The following NALF1 variants were observed in gnomAD, a reference collection of about 807,000 sequenced individuals.
NALF1 encodes the protein family with sequence similarity 155 member A.
Under a neutral mutation model 48.4 loss-of-function variants are expected in NALF1, and 3 were observed. The observed-to-expected ratio is 0.06, with a 90% CI of 0.03 to 0.16. The LOEUF (loss-of-function observed/expected upper bound fraction) is 0.16. Among genes scored for constraint, NALF1 ranks in the 10% least tolerant of loss-of-function variants. The probability of loss-of-function intolerance (pLI) is 1.00; values close to 1 mark genes in which losing one functional copy is unlikely to be tolerated. For synonymous variants in NALF1, 262 were observed against 245.7 expected, an observed-to-expected ratio of 1.07 and a Z score of -0.62; for missense variants, 526 against 571.5, an observed-to-expected ratio of 0.92 and a Z score of 0.81.
At chr13:107,579,859 C>G (rs1450814444) in intron 1 of NALF1, among the ~76,000 whole-genome samples, 5 of 151,914 alleles carry the variant, frequency 3.3e-5, no homozygotes, top group Admixed American at 6.6e-5. Flanking sequence ...GGACTGTAAA[C>G]TAGTTCAACC....
At chr13:107,591,651 T>A (rs922600708) in intron 1 of NALF1, among the ~76,000 whole-genome samples, 4 of 152,012 alleles carry the variant, frequency 2.6e-5, no homozygotes, top group African/African-American at 7.2e-5. Context: ...CCATTTAAAT[T>A]TTCTTCACTC....
At chr13:107,856,464 CA>C (rs1258364909) in intron 1 of NALF1, among the ~76,000 whole-genome samples, 1 of 152,110 alleles carries the variant, frequency 6.6e-6, no homozygotes, top group Non-Finnish European at 1.5e-5. Context: ...TTAGCAAGAG[CA>C]AACAATTACT....
intron 1 of NALF1, among the ~76,000 whole-genome samples, chr13:107,684,686 C>A (rs138241175): frequency 3.3e-4 from 50 of 152,238 alleles, no homozygotes; most frequent in African/African-American, 1.1e-3. Flanking sequence ...ATGAAAAAAA[C>A]CTATCATTTC....
chr13:107,853,272 T>C (rs369138478), intron 1 of NALF1, among the ~76,000 whole-genome samples: 4 of 152,320 alleles, frequency 2.6e-5, no homozygotes, highest in Middle Eastern at 3.4e-3. Context: ...TCTAAGTAGG[T>C]TGTAATATTG....
intron 1 of NALF1, among the ~76,000 whole-genome samples, chr13:107,634,011 TTATG>T (rs757986886): frequency 1.3e-3 from 175 of 130,394 alleles, no homozygotes; most frequent in Non-Finnish European, 2.2e-3. Flanking sequence ...TTAGATACTA[TTATG>T]TGCAGAGTTA....
chr13:107,288,261 C>T (rs994927822), intron 1 of NALF1, among the ~76,000 whole-genome samples: 1 of 148,102 alleles, frequency 6.8e-6, no homozygotes, highest in African/African-American at 2.5e-5. Context: ...GCTCTGTCGC[C>T]CAGGCTGGAG....
At position 107,660,125 on chromosome 13, in the gene NALF1, C is replaced by G. The variant is rs567968945; in HGVS notation, c.915+205557G>C. On this transcript the variant is annotated intron_variant, in intron 1 of 2. Transcript: ENST00000375915. ...TTAAGATGATTTTGATAACACAAACCATAGTCTCTTCACGTGATTTATAAA... is the reference window on the plus strand; with the variant it reads ...TTAAGATGATTTTGATAACACAAACGATAGTCTCTTCACGTGATTTATAAA... Among the ~76,000 whole-genome samples, 4 of 152,056 alleles carry G rather than the reference C, an allele frequency of 2.6e-5. No individual in the cohort carries two copies. In the South Asian group the frequency reaches 8.3e-4, roughly 32 times the overall value.
intron 1 of NALF1, among the ~76,000 whole-genome samples, chr13:107,530,490 T>C (rs1350548436): frequency 6.6e-6 from 1 of 152,102 alleles, no homozygotes; most frequent in African/African-American, 2.4e-5. Context: ...AAGACATTCC[T>C]CTAAATTTAA....
intron 1 of NALF1, among the ~76,000 whole-genome samples, chr13:107,688,947 G>A (rs937658499): frequency 7.9e-5 from 12 of 152,186 alleles, no homozygotes; most frequent in Admixed American, 1.3e-4. Context: ...GAGGATGATG[G>A]TGATGAGAAG....
At chr13:107,209,579 G>GAA (rs1481244926) in intron 2 of NALF1, among the ~76,000 whole-genome samples, 3 of 152,038 alleles carry the variant, frequency 2.0e-5, no homozygotes, top group Non-Finnish European at 4.4e-5. Flanking sequence ...TTATCACTTA[G>GAA]AACACTGTGG....
intron 1 of NALF1, among the ~76,000 whole-genome samples, chr13:107,269,482 A>G (rs1239002425): frequency 1.3e-5 from 2 of 152,180 alleles, no homozygotes; most frequent in African/African-American, 4.8e-5. Context: ...TTGGAGATGA[A>G]TATGTTTATA....
At chr13:107,319,990 G>T (rs1882222843) in intron 1 of NALF1, among the ~76,000 whole-genome samples, 1 of 152,048 alleles carries the variant, frequency 6.6e-6, no homozygotes, top group Non-Finnish European at 1.5e-5. Context: ...CAAAGTTGAG[G>T]CATTTAGCAG....
Position 107,362,359 on chromosome 13 carries a change from T to C in NALF1, c.916-151604A>G, listed in dbSNP as rs1883077916. On this transcript the variant is annotated intron_variant, in intron 1 of 2. Coordinates refer to ENST00000375915, the MANE Select transcript of NALF1 (RefSeq NM_001080396.3). The surrounding 1 kb of genome is among the most constrained non-coding windows in gnomAD (Gnocchi z 4.6). ...CCAACAGTGCTGGAGGAGAACAGTC[T>C]GAAATCAAGGTGGTGTCAGGACCAT... is the stretch of plus-strand genomic sequence containing the variant. Among the ~76,000 whole-genome samples, 1 of 152,214 alleles carries C rather than the reference T, an allele frequency of 6.6e-6. No homozygotes were observed. The highest frequency in any genetic ancestry group is 1.5e-5 in the Non-Finnish European group (1 of 68,044).
At chr13:107,763,370 A>AGTTGTCCTGTTATTATTTTC (rs1416209416) in intron 1 of NALF1, among the ~76,000 whole-genome samples, 5 of 150,796 alleles carry the variant, frequency 3.3e-5, no homozygotes, top group African/African-American at 1.2e-4. Context: ...TAAAATATTT[A>AGTTGTCCTGTTATTATTTTC]GTTGTCCTGT....
rs568386278 is a variant in NALF1, at chr13:107,327,857, T to C, written c.916-117102A>G. Among the ~76,000 whole-genome samples the C allele has an allele frequency of 1.1e-4, 16 of 152,262 alleles. No homozygotes were observed. The South Asian group carries it at 3.1e-3, about 30-fold the overall frequency. On this transcript the variant is annotated intron_variant, in intron 1 of 2. Coordinates refer to ENST00000375915, the MANE Select transcript of NALF1 (RefSeq NM_001080396.3). ...CCTTTGTCCTTGCCATCCCTCTTTA[T>C]AGAGTGGTACTCCAGCCACCGAAAT...
intron 1 of NALF1, among the ~76,000 whole-genome samples, chr13:107,263,274 AC>A (rs1408041564): frequency 2.0e-5 from 3 of 151,698 alleles, no homozygotes; most frequent in Non-Finnish European, 4.4e-5. Flanking sequence ...ACACACACAC[AC>A]ACACACACAC....
At chr13:107,291,565 A>G (rs1237275739) in intron 1 of NALF1, among the ~76,000 whole-genome samples, 2 of 152,044 alleles carry the variant, frequency 1.3e-5, no homozygotes, top group Non-Finnish European at 2.9e-5. Context: ...GTATATGCAA[A>G]TATTTGAAAA....
At chr13:107,279,250 T>A (rs935227548) in intron 1 of NALF1, among the ~76,000 whole-genome samples, 2 of 151,022 alleles carry the variant, frequency 1.3e-5, no homozygotes, top group Non-Finnish European at 2.9e-5. Flanking sequence ...TTTCTCTCTG[T>A]TTTTTTTGTT....
At chr13:107,555,439 A>ATTTTTTTTTTTTTTTTTTTTTTT (rs34486058) in intron 1 of NALF1, among the ~76,000 whole-genome samples, 1 of 69,964 alleles carries the variant, frequency 1.4e-5, no homozygotes, top group African/African-American at 5.5e-5. Context: ...AGCCTGGCTA[A>ATTTTTTTTTTTTTTTTTTTTTTT]TTTTTTTTTT....
Sources: allele counts gnomAD v4.1 joint callset (sites outside exome capture counted in the v4.1 genomes callset), GRCh38; gene constraint gnomAD v4.1.1; non-coding constraint Gnocchi (gnomAD v3.1); transcripts MANE v1.5; gene names NCBI Gene and HGNC (gene_info 2026-07-23, HGNC 2026-07-21).